PHLPP1: variants seen among roughly 807,000 people sequenced by gnomAD.
PHLPP1 encodes the protein PH domain leucine-rich repeat-containing protein phosphatase 1.
In PHLPP1, 42 loss-of-function variants were observed where a neutral mutation model predicts 117.2. That is an observed-to-expected ratio of 0.36 (90% CI 0.28 to 0.46). The LOEUF (loss-of-function observed/expected upper bound fraction) is 0.46. Among genes scored for constraint, PHLPP1 ranks in the 20% least tolerant of loss-of-function variants. PHLPP1 has a pLI of 1.00. For synonymous variants in PHLPP1, 1,042 were observed against 970.7 expected (o/e 1.07, Z -1.37); for missense variants, 2,084 against 2,241.9 (o/e 0.93, Z 1.42).
At chr18:62,948,029 A>T (rs1314536105) in intron 12 of PHLPP1, among the ~76,000 whole-genome samples, 2 of 152,072 alleles carry the variant, frequency 1.3e-5, no homozygotes, top group Non-Finnish European at 2.9e-5. Flanking sequence ...CCATCTCAAA[A>T]AAATAAATAA....
At chr18:62,779,231 G>C (rs1913052701) in intron 1 of PHLPP1, among the ~76,000 whole-genome samples, 1 of 151,832 alleles carries the variant, frequency 6.6e-6, no homozygotes, top group Non-Finnish European at 1.5e-5. Context: ...CCCGTCTGTT[G>C]GTAATCTTCT....
At chr18:62,971,628 C>G (rs1911050385) in intron 14 of PHLPP1, among the ~76,000 whole-genome samples, 1 of 152,186 alleles carries the variant, frequency 6.6e-6, no homozygotes, top group Non-Finnish European at 1.5e-5. Flanking sequence ...GTGCTGCAGC[C>G]TGGACACTTC....
intron 1 of PHLPP1, among the ~76,000 whole-genome samples, chr18:62,720,662 T>A (rs1910888073): frequency 6.6e-6 from 1 of 152,160 alleles, no homozygotes; most frequent in Non-Finnish European, 1.5e-5. Context: ...GTGACACCAG[T>A]GTGTGCTTGA....
At chr18:62,760,440 T>C (rs546962505) in intron 1 of PHLPP1, among the ~76,000 whole-genome samples, 2 of 152,350 alleles carry the variant, frequency 1.3e-5, no homozygotes, top group Admixed American at 6.5e-5. Context: ...TTTTCTACCT[T>C]GATTGCTGCT....
chr18:62,881,618 G>T (rs1374580879), intron 4 of PHLPP1, among the ~76,000 whole-genome samples: 1 of 152,110 alleles, frequency 6.6e-6, no homozygotes, highest in Non-Finnish European at 1.5e-5. Flanking sequence ...TGTTTATTTT[G>T]GCTCAAGTGT....
chr18:62,766,421 A>T (rs900977627), intron 1 of PHLPP1, among the ~76,000 whole-genome samples: 1 of 151,824 alleles, frequency 6.6e-6, no homozygotes, highest in Non-Finnish European at 1.5e-5. Context: ...TCGAGTTTGG[A>T]AAAAGGAACT....
At chr18:62,770,951 G>A (rs1912748152) in intron 1 of PHLPP1, among the ~76,000 whole-genome samples, 1 of 152,160 alleles carries the variant, frequency 6.6e-6, no homozygotes, top group South Asian at 2.1e-4. Context: ...GGGCGCGGTG[G>A]CTCACGCCTG....
intron 3 of PHLPP1, among the ~76,000 whole-genome samples, chr18:62,859,703 G>A (rs75181345): frequency 0.026 from 4,032 of 152,188 alleles, 78 homozygotes; most frequent in Middle Eastern, 0.051. Flanking sequence ...TCTCTTGACC[G>A]TGTATTTACT....
chr18:62,715,594 GCGC>G lies in PHLPP1; in HGVS notation c.-81_-79del. ...CGCCATTGGCTTCTCCCTTCTCCGCGCGCCGCCGCCGTCTCCCACCTCCGCCTC... is the reference window on the plus strand; with the variant it reads ...CGCCATTGGCTTCTCCCTTCTCCGCGCGCCGCCGTCTCCCACCTCCGCCTC... On this transcript the variant is annotated 5_prime_UTR_variant, in exon 1 of 17. Transcript: ENST00000262719. 12 of 817,360 alleles carry G rather than the reference GCGC, an allele frequency of 1.5e-5. No individual in the cohort carries two copies. Among genetic ancestry groups the G allele is most frequent in the East Asian group, 3.4e-5 (1 of 29,826 alleles). 50.6% of individuals were successfully genotyped at this position (817,360 alleles called of 1,614,324 possible). A position where few individuals can be genotyped will look rare whatever the true frequency, so the allele number is the denominator to read the frequency against.
intron 1 of PHLPP1, among the ~76,000 whole-genome samples, chr18:62,803,092 A>C (rs1283344867): frequency 6.6e-6 from 1 of 152,216 alleles, no homozygotes; most frequent in Non-Finnish European, 1.5e-5. Context: ...ATAAAATCAG[A>C]TTTAGAAATA....
chr18:62,716,485 G>A lies in PHLPP1; in HGVS notation c.802G>A (p.Gly268Ser), dbSNP rs1160202352. ...REPAEPPPEA[G>S]PRLAPPEPRD... is the part of the protein sequence containing the mutation. ...GCCCGCTGAACCGCCCCCCGAGGCC[G>A]GCCCCCGGCTGGCGCCCCCGGAGCC... Residue 268 changes from glycine (G) to serine (S), a missense_variant, in exon 1 of 17, where the codon GGC becomes AGC. This residue lies in a region of PHLPP1 where 719 missense variants were observed against 636.0 expected (regional missense o/e 1.13). Coordinates refer to ENST00000262719, the MANE Select transcript of PHLPP1 (RefSeq NM_194449.4). The surrounding 1 kb of genome is among the most constrained non-coding windows in gnomAD (Gnocchi z 5.7). The A allele has an allele frequency of 2.5e-6, 3 of 1,218,260 alleles. No homozygotes were observed. Among genetic ancestry groups the A allele is most frequent in the Non-Finnish European group, 3.1e-6 (3 of 981,176 alleles). The allele number at this position is 1,218,260 out of a possible 1,614,324, so 75.5% of individuals were successfully genotyped here.
At chr18:62,819,985 A>G (rs1226357650) in intron 1 of PHLPP1, among the ~76,000 whole-genome samples, 1 of 152,224 alleles carries the variant, frequency 6.6e-6, no homozygotes, top group Non-Finnish European at 1.5e-5. Context: ...ATATAGGTTC[A>G]AAGTAAAAAG....
intron 1 of PHLPP1, among the ~76,000 whole-genome samples, chr18:62,814,105 A>G (rs1001883231): frequency 2.6e-5 from 4 of 152,200 alleles, no homozygotes; most frequent in Non-Finnish European, 5.9e-5. Context: ...GATTATCAAA[A>G]GGTTCAGGGC....
intron 14 of PHLPP1, among the ~76,000 whole-genome samples, chr18:62,963,688 C>T (rs1158947095): frequency 1.3e-5 from 2 of 152,150 alleles, no homozygotes; most frequent in Non-Finnish European, 2.9e-5. Flanking sequence ...TAGTAGGAGA[C>T]GTTGCTAGGA....
At chr18:62,954,111 T>C (rs1316241616) in intron 12 of PHLPP1, among the ~76,000 whole-genome samples, 1 of 152,262 alleles carries the variant, frequency 6.6e-6, no homozygotes, top group Non-Finnish European at 1.5e-5. Context: ...GACTTTTTTA[T>C]GCTCTTATCT....
Position 62,962,284 on chromosome 18 carries a change from T to TTTATGTTATGTTATGTTATG in PHLPP1, c.3456-1082_3456-1063dup, listed in dbSNP as rs568386796. Reference sequence around the variant, plus strand: ...TTTATTTTATTTTATTTTATGTTCTTTTATGTTATGTTATGTTATGTGTTA... The same window carrying TTTATGTTATGTTATGTTATG: ...TTTATTTTATTTTATTTTATGTTCTTTTATGTTATGTTATGTTATGTTATGTTATGTTATGTTATGTGTTA... On this transcript the variant is annotated intron_variant, in intron 13 of 16. Coordinates refer to ENST00000262719, the MANE Select transcript of PHLPP1 (RefSeq NM_194449.4). Among the ~76,000 whole-genome samples, 179 of 152,154 alleles carry TTTATGTTATGTTATGTTATG rather than the reference T, an allele frequency of 1.2e-3. 1 individual carries two copies. Among genetic ancestry groups the TTTATGTTATGTTATGTTATG allele is most frequent in the African/African-American group, 4.1e-3 (168 of 41,466 alleles).
chr18:62,826,159 T>G (rs1168791860), intron 1 of PHLPP1: 1 of 248,364 alleles, frequency 4.0e-6, no homozygotes, highest in Non-Finnish European at 8.3e-6. Context: ...TATTTATTTG[T>G]TTTTTTTTTT....
intron 1 of PHLPP1, among the ~76,000 whole-genome samples, chr18:62,808,831 G>A (rs1026536797): frequency 1.3e-5 from 2 of 152,154 alleles, no homozygotes; most frequent in African/African-American, 4.8e-5. Context: ...TGGGATTACA[G>A]GCGTGAGCCA....
intron 4 of PHLPP1, among the ~76,000 whole-genome samples, chr18:62,879,404 A>ATG (rs61701836): frequency 0.056 from 8,194 of 145,826 alleles, 371 homozygotes; most frequent in African/African-American, 0.12. Context: ...TATTCTGGAT[A>ATG]TGTGTGTGTG....
Sources: gnomAD v4.1 joint callset for allele counts (sites outside exome capture counted in the v4.1 genomes callset) on GRCh38, gnomAD v4.1.1 for gene constraint, gnomAD v4.1.1 regional missense constraint, Gnocchi (gnomAD v3.1) non-coding constraint, MANE v1.5 for transcripts, NCBI Gene and HGNC (gene_info 2026-07-23, HGNC 2026-07-21) for gene names.